PARP12: variants seen among roughly 807,000 people sequenced by gnomAD.
The protein encoded by PARP12 is protein mono-ADP-ribosyltransferase PARP12.
Under a neutral mutation model 72.4 loss-of-function variants are expected in PARP12, and 59 were observed. The ratio of observed to expected loss-of-function variants is 0.81; its 90% CI spans 0.66 to 1.01. The LOEUF (loss-of-function observed/expected upper bound fraction) is 1.01. Among genes scored for constraint, PARP12 ranks in the 50% least tolerant of loss-of-function variants. The pLI is 0.00. For missense variants in PARP12, 851 were observed against 914.0 expected (o/e 0.93, Z 0.89); for synonymous variants, 403 against 371.4 (o/e 1.09, Z -0.98).
In PARP12 at chr7:140,040,580, A is replaced by G. The variant is rs568669853; in HGVS notation, c.1182+1064T>C. On this transcript the variant is annotated intron_variant, in intron 6 of 11. Coordinates refer to ENST00000263549, the MANE Select transcript of PARP12 (RefSeq NM_022750.4). ...TCCACACACGGGATACGATGGGGCA[A>G]AAGAAAAGACAAAAGTCCCTGCCCT... Among the ~76,000 whole-genome samples the G allele has an allele frequency of 1.2e-3, 188 of 152,348 alleles. 2 individuals are homozygous for G. The highest frequency in any genetic ancestry group is 1.1e-3 in the Non-Finnish European group (77 of 68,026).
At position 140,034,256 on chromosome 7, in the gene PARP12, T is replaced by C. The variant is rs767681184; in HGVS notation, c.1400A>G (p.Asp467Gly). ...CTACCAGGTTTGCATGGTCGTCACATCCTGGGGAGACACGTATTTGGGTCT... is the reference window on the plus strand; with the variant it reads ...CTACCAGGTTTGCATGGTCGTCACACCCTGGGGAGACACGTATTTGGGTCT... ...CRRPKYVSPQ[D>G]VTTMQTCNTK... Residue 467 changes from aspartate (D) to glycine (G), a missense_variant, in exon 8 of 12, where the codon GAT (aspartate) becomes GGT (glycine). Asp to Gly is a moderately conservative substitution (Grantham distance 94). Transcript: ENST00000263549. 3.1e-6 allele frequency: 5 copies of C among 1,613,062 alleles called. No individual in the cohort carries two copies. The South Asian group carries it at 4.4e-5, about 14-fold the overall frequency.
intron 6 of PARP12, chr7:140,038,062 A>G (rs1206684836): frequency 1.0e-6 from 1 of 985,298 alleles, no homozygotes; most frequent in Non-Finnish European, 1.2e-6. Context: ...CCTAGCAAAC[A>G]CAATGCAGTA....
intron 5 of PARP12, among the ~76,000 whole-genome samples, chr7:140,044,631 C>T (rs1013241377): frequency 6.6e-6 from 1 of 152,178 alleles, no homozygotes; most frequent in African/African-American, 2.4e-5. Flanking sequence ...TAATTTGTTA[C>T]AGCAGCCCTA....
chr7:140,058,170 A>C, intron 1 of PARP12, 136 bp from the exon 2 acceptor site: 1 of 999,194 alleles, frequency 1.0e-6, no homozygotes, highest in Non-Finnish European at 1.5e-6. Flanking sequence ...TTAAGTTAAA[A>C]AGAGGTCCAT....
chr7:140,026,406 C>A, intron 10 of PARP12, 58 bp from the exon 11 acceptor site: 1 of 1,558,486 alleles, frequency 6.4e-7, no homozygotes. Context: ...CAAATACAGC[C>A]GGCCTGATGC....
Position 140,037,830 on chromosome 7 carries a change from G to C in PARP12, c.1209C>G (p.Val403=), listed in dbSNP as rs1816276838. Residue 403 remains valine, a synonymous_variant, in exon 7 of 12, where the codon GTC becomes GTG. Transcript: ENST00000263549. The part of the protein sequence containing the change: ...RQGTVHPVTT[V]SSSDVEKAYL... ...AGGCCTTCTCCACGTCGCTACTGCT[G>C]ACAGTGGTCACAGGGTGCACCGTGC... 6.2e-7 allele frequency: 1 copy of C among 1,613,094 alleles called. No homozygotes were observed. The highest frequency in any genetic ancestry group is 8.5e-7 in the Non-Finnish European group (1 of 1,179,208).
At chr7:140,032,681 T>C (rs1815984759) in intron 8 of PARP12, among the ~76,000 whole-genome samples, 1 of 152,174 alleles carries the variant, frequency 6.6e-6, no homozygotes, top group Non-Finnish European at 1.5e-5. Flanking sequence ...ATTATCATGA[T>C]CTATTTTTAA....
intron 8 of PARP12, chr7:140,033,138 C>T (rs1223312811): frequency 4.1e-6 from 4 of 967,142 alleles, no homozygotes; most frequent in Admixed American, 6.2e-5. Flanking sequence ...AGCAATCTAC[C>T]CGCCTCGGCC....
intron 6 of PARP12, among the ~76,000 whole-genome samples, chr7:140,038,924 C>G (rs1816333552): frequency 6.6e-6 from 1 of 152,186 alleles, no homozygotes; most frequent in Non-Finnish European, 1.5e-5. Context: ...CCACACAGGT[C>G]TCACGGGTGC....
intron 5 of PARP12, among the ~76,000 whole-genome samples, chr7:140,044,297 G>A (rs1435690373): frequency 6.6e-6 from 1 of 152,218 alleles, no homozygotes; most frequent in Non-Finnish European, 1.5e-5. Context: ...TAGGGTCTTT[G>A]CAGATATAAT....
At chr7:140,040,893 G>A (rs911756995) in intron 6 of PARP12, among the ~76,000 whole-genome samples, 2 of 152,110 alleles carry the variant, frequency 1.3e-5, no homozygotes, top group African/African-American at 2.4e-5. Flanking sequence ...TCAGTCTCCC[G>A]AGTAGCTGGG....
chr7:140,036,427 C>T (rs936792801), intron 7 of PARP12, among the ~76,000 whole-genome samples: 3 of 152,110 alleles, frequency 2.0e-5, no homozygotes, highest in South Asian at 2.1e-4. Flanking sequence ...CCAGACCACA[C>T]GTGGCTGGCG....
At position 140,033,337 on chromosome 7, in the gene PARP12, T is replaced by TG. The variant is rs1816020396; in HGVS notation, c.1421+897dup. ...ACCAAACTCATTTAAAAACGACCTT[T>TG]GCATGCTTCACAAAACAAAAGAACC... On this transcript the variant is annotated intron_variant, in intron 8 of 11. Transcript: ENST00000263549. 7.1e-6 allele frequency: 7 copies of TG among 985,296 alleles called. No homozygotes were observed. In the South Asian group the frequency reaches 3.3e-4, roughly 46 times the overall value. The allele number at this position is 985,296 out of a possible 1,614,324, so 61.0% of individuals were successfully genotyped here.
chr7:140,043,643 T>A (rs115701809), intron 5 of PARP12, among the ~76,000 whole-genome samples: 48 of 152,238 alleles, frequency 3.2e-4, no homozygotes, highest in African/African-American at 6.7e-4. Flanking sequence ...TTCTCCTGTC[T>A]CACCCTCCCG....
chr7:140,042,317 C>T (rs1220060915), intron 5 of PARP12, among the ~76,000 whole-genome samples: 3 of 152,194 alleles, frequency 2.0e-5, no homozygotes. Context: ...GGTGAAGAAA[C>T]CTGTTCAAGG....
In PARP12 at chr7:140,027,375, T is replaced by C; in HGVS notation, c.1529A>G (p.Tyr510Cys). 1.2e-6 allele frequency: 2 copies of C among 1,614,096 alleles called. No individual in the cohort carries two copies. Among genetic ancestry groups the C allele is most frequent in the Non-Finnish European group, 1.7e-6 (2 of 1,179,946 alleles). Residue 510 changes from tyrosine (Y) to cysteine (C), a missense_variant, in exon 10 of 12, where the codon TAT becomes TGT. This residue lies in a region of PARP12 where 347 missense variants were observed against 396.1 expected (regional missense o/e 0.88). Transcript: ENST00000263549. The stretch of plus-strand genomic sequence containing the variant: ...GTTAAAGAGGTTCCAGACCTTCTGA[T>C]ACTCTTCCGAGGAAGAACTAAGGGT... Reference protein sequence around the residue: ...KITLSSSSEEYQKVWNLFNRT... With the variant: ...KITLSSSSEECQKVWNLFNRT...
chr7:140,036,615 T>C (rs1816211843), intron 7 of PARP12, among the ~76,000 whole-genome samples: 1 of 152,180 alleles, frequency 6.6e-6, no homozygotes, highest in African/African-American at 2.4e-5. Context: ...CACTTCACTA[T>C]ACTCCACATA....
rs548230341 is a variant in PARP12, at chr7:140,033,140, G to A, written c.1421+1095C>T. 92 of 967,870 alleles carry A rather than the reference G, an allele frequency of 9.5e-5. No homozygotes were observed. The South Asian group carries it at 1.6e-3, about 17-fold the overall frequency. The allele number at this position is 967,870 out of a possible 1,614,324, so 60.0% of individuals were successfully genotyped here. Reference sequence around the variant, plus strand: ...ACTCCTGGGCTCAAGCAATCTACCCGCCTCGGCCTCTTGAACTGTTGGGAT... The same window carrying A: ...ACTCCTGGGCTCAAGCAATCTACCCACCTCGGCCTCTTGAACTGTTGGGAT... On this transcript the variant is annotated intron_variant, in intron 8 of 11. Transcript: ENST00000263549.
At position 140,062,377 on chromosome 7, in the gene PARP12, C is replaced by T. The variant is rs1817494437; in HGVS notation, c.326+145G>A. 2.8e-5 allele frequency: 24 copies of T among 848,956 alleles called. No individual in the cohort carries two copies. In the South Asian group the frequency reaches 4.0e-4, roughly 14 times the overall value. The allele number at this position is 848,956 out of a possible 1,614,324, so 52.6% of individuals were successfully genotyped here. On this transcript the variant is annotated intron_variant, in intron 1 of 11. Transcript: ENST00000263549. ...GTACTCCGCAGGTGCTCATTAAACGCTCGCTTTAGTGAATGACGGTGCGAG... is the reference window on the plus strand; with the variant it reads ...GTACTCCGCAGGTGCTCATTAAACGTTCGCTTTAGTGAATGACGGTGCGAG...
Sources: gnomAD v4.1 joint callset for allele counts (sites outside exome capture counted in the v4.1 genomes callset) on GRCh38, gnomAD v4.1.1 for gene constraint, gnomAD v4.1.1 regional missense constraint, MANE v1.5 for transcripts, NCBI Gene and HGNC (gene_info 2026-07-23, HGNC 2026-07-21) for gene names.